The following NUP205 variants were observed in gnomAD, a reference collection of about 807,000 sequenced individuals.
The protein encoded by NUP205 is nuclear pore complex protein Nup205.
A neutral mutation model predicts 253.8 loss-of-function variants in NUP205; 76 were observed. That is an observed-to-expected ratio of 0.30 (90% CI 0.25 to 0.36). NUP205 has a LOEUF of 0.36. Among genes scored for constraint, NUP205 ranks in the 10% least tolerant of loss-of-function variants. NUP205 has a pLI of 1.00. For synonymous variants in NUP205, 832 were observed against 850.1 expected, an observed-to-expected ratio of 0.98 and a Z score of 0.37; for missense variants, 2,162 against 2,425.5, an observed-to-expected ratio of 0.89 and a Z score of 2.28.
At position 135,563,143 on chromosome 7, in the gene NUP205, A is replaced by G. The variant is rs1368869271; in HGVS notation, c.28+5171A>G. ...CTCTTGCCCTGGCTACCTCTCCTTCATATCCTTCATATCCTGACCACAGTT... is the reference window on the plus strand; with the variant it reads ...CTCTTGCCCTGGCTACCTCTCCTTCGTATCCTTCATATCCTGACCACAGTT... On this transcript the variant is annotated intron_variant, in intron 1 of 42. Transcript: ENST00000285968. Among the ~76,000 whole-genome samples the G allele has an allele frequency of 2.0e-5, 3 of 151,402 alleles. No homozygotes were observed. The East Asian group carries it at 5.8e-4, about 29-fold the overall frequency.
rs781448105 is a variant in NUP205, at chr7:135,630,476, T to C, written c.5059+6T>C. 1.8e-5 allele frequency: 29 copies of C among 1,582,470 alleles called. No individual in the cohort carries two copies. The highest frequency in any genetic ancestry group is 2.5e-5 in the Non-Finnish European group (29 of 1,168,620). ...AAGTAAAGCAGCACTTCCTGGTGAG[T>C]TGATTATGTTGAAAGGATTTTTAAT... On this transcript the variant is annotated splice_donor_region_variant and intron_variant, in intron 35 of 42. Transcript: ENST00000285968.
chr7:135,625,010 CA>C (rs34744586), intron 31 of NUP205, among the ~76,000 whole-genome samples, 153 bp from the exon 32 acceptor site: 3 of 149,600 alleles, frequency 2.0e-5, no homozygotes, highest in African/African-American at 7.4e-5. Context: ...TTTAACTTCT[CA>C]AAAAAAAATA....
rs1563110222 is a variant in NUP205 at position 135,570,811 on chromosome 7, T to TG, written c.29-294_29-293insG. On this transcript the variant is annotated intron_variant, in intron 1 of 42. Coordinates refer to ENST00000285968, the MANE Select transcript of NUP205 (RefSeq NM_015135.3). Reference sequence around the variant, plus strand: ...ATTTATATATTATATTAATATATATTAATTATATTAATATATAAATTATAT... The same window carrying TG: ...ATTTATATATTATATTAATATATATTGAATTATATTAATATATAAATTATAT... Among the ~76,000 whole-genome samples the TG allele has an allele frequency of 4.9e-4, 51 of 103,594 alleles. 1 individual carries two copies. The East Asian group carries it at 6.3e-3, about 13-fold the overall frequency. The allele number at this position is 103,594 out of a possible 152,430, so 68.0% of individuals were successfully genotyped here. A position where few individuals can be genotyped will look rare whatever the true frequency, so the allele number is the denominator to read the frequency against.
chr7:135,629,466 C>CCTCTCTCTCTCTCTCTCTCTCTCT (rs1398385118), intron 34 of NUP205, among the ~76,000 whole-genome samples: 1 of 73,196 alleles, frequency 1.4e-5, no homozygotes, highest in Non-Finnish European at 3.0e-5. Flanking sequence ...ATAGTGAGAC[C>CCTCTCTCTCTCTCTCTCTCTCTCT]CTATCTCTCT....
chr7:135,610,467 G>A (rs1302393799), intron 22 of NUP205, among the ~76,000 whole-genome samples: 3 of 152,110 alleles, frequency 2.0e-5, no homozygotes, highest in Non-Finnish European at 2.9e-5. Context: ...TGATCCACCC[G>A]CCTTGGCCTC....
chr7:135,593,307 C>G, intron 12 of NUP205, 115 bp downstream of exon 12: 1 of 919,010 alleles, frequency 1.1e-6, no homozygotes. Flanking sequence ...TCTAGATAGA[C>G]AGATATATAG....
chr7:135,617,608 C>T lies in NUP205; in HGVS notation c.3697C>T (p.His1233Tyr). Residue 1233 changes from histidine to tyrosine, a missense_variant, in exon 27 of 43, where the codon CAT (histidine) becomes TAT (tyrosine). Physicochemically the swap from His to Tyr is moderately conservative, Grantham distance 83 (BLOSUM62 2). Around this residue, in one of 5 missense-constraint regions of NUP205, gnomAD observed 1,144 missense variants for 1,280.9 expected, o/e 0.89. Coordinates refer to ENST00000285968, the MANE Select transcript of NUP205 (RefSeq NM_015135.3). The stretch of plus-strand genomic sequence containing the variant: ...TCTTTTCCTAATTATCCAGCTTCTT[C>T]ATAGGGTTCTTGTAGCTGAAGTAAA... ...GQTVCNVKLL[H>Y]RVLVAEVNAL... is the part of the protein sequence containing the mutation. The T allele has an allele frequency of 1.2e-6, 2 of 1,611,720 alleles. No homozygotes were observed. Among genetic ancestry groups the T allele is most frequent in the Non-Finnish European group, 1.7e-6 (2 of 1,178,070 alleles).
chr7:135,562,758 G>T (rs558463160), intron 1 of NUP205, among the ~76,000 whole-genome samples: 47 of 151,902 alleles, frequency 3.1e-4, no homozygotes, highest in African/African-American at 1.0e-3. Context: ...TGTTGGCCAG[G>T]ATGGTCTTGA....
chr7:135,586,232 T>G (rs1048933422), intron 8 of NUP205, among the ~76,000 whole-genome samples: 3 of 151,916 alleles, frequency 2.0e-5, no homozygotes, highest in African/African-American at 7.3e-5. Context: ...AAATTTGCCC[T>G]TAGGATTCTT....
chr7:135,639,690 CAAAA>C (rs34071969), intron 38 of NUP205, among the ~76,000 whole-genome samples: 4 of 106,664 alleles, frequency 3.8e-5, no homozygotes, highest in African/African-American at 7.7e-5. Flanking sequence ...GACTTTGTCT[CAAAA>C]AAAAAAAAAA....
At chr7:135,623,914 C>T (rs953232503) in intron 31 of NUP205, among the ~76,000 whole-genome samples, 17 of 151,848 alleles carry the variant, frequency 1.1e-4, no homozygotes, top group African/African-American at 3.9e-4. Context: ...TCCCAAGTAG[C>T]TGGAACTACA....
chr7:135,624,909 A>G (rs1794553747), intron 31 of NUP205, among the ~76,000 whole-genome samples: 1 of 152,190 alleles, frequency 6.6e-6, no homozygotes, highest in Non-Finnish European at 1.5e-5. Flanking sequence ...ATCTAATGCC[A>G]CTAGTTTAAC....
intron 30 of NUP205, among the ~76,000 whole-genome samples, chr7:135,620,622 TTTTA>T (rs1794454737): frequency 6.6e-6 from 1 of 152,244 alleles, no homozygotes; most frequent in Non-Finnish European, 1.5e-5. Flanking sequence ...GTTTCTAAAT[TTTTA>T]TTACAAAAAT....
chr7:135,645,260 G>A (rs1337694965), intron 40 of NUP205, among the ~76,000 whole-genome samples: 1 of 152,162 alleles, frequency 6.6e-6, no homozygotes, highest in East Asian at 1.9e-4. Context: ...TGAGACTGCT[G>A]GCACAGGACC....
At chr7:135,575,115 C>T (rs79833388) in intron 3 of NUP205, among the ~76,000 whole-genome samples, 65 of 152,232 alleles carry the variant, frequency 4.3e-4, no homozygotes, top group Admixed American at 9.8e-4. Context: ...AGTGTAAATA[C>T]GCTCATATTC....
At chr7:135,634,181 A>G (rs777283974) in intron 35 of NUP205, among the ~76,000 whole-genome samples, 4 of 152,086 alleles carry the variant, frequency 2.6e-5, no homozygotes, top group Non-Finnish European at 4.4e-5. Context: ...AGCAGTCCTC[A>G]CACCTCAGCC....
chr7:135,582,725 G>T (rs933668187), intron 7 of NUP205, among the ~76,000 whole-genome samples: 1 of 152,112 alleles, frequency 6.6e-6, no homozygotes, highest in African/African-American at 2.4e-5. Context: ...TTGGCTAAGT[G>T]TTGGGATTAC....
At chr7:135,594,948 T>G (rs1244047071) in intron 13 of NUP205, among the ~76,000 whole-genome samples, 3 of 152,212 alleles carry the variant, frequency 2.0e-5, no homozygotes, top group Non-Finnish European at 4.4e-5. Flanking sequence ...AGATTGGTTC[T>G]TCATGTACTG....
chr7:135,631,322 A>T (rs1279711801), intron 35 of NUP205, among the ~76,000 whole-genome samples: 1 of 152,226 alleles, frequency 6.6e-6, no homozygotes, highest in African/African-American at 2.4e-5. Flanking sequence ...AAACGAAAGG[A>T]ATTGCCAAAT....
Sources: gnomAD v4.1 joint callset for allele counts (sites outside exome capture counted in the v4.1 genomes callset) on GRCh38, gnomAD v4.1.1 for gene constraint, gnomAD v4.1.1 regional missense constraint, MANE v1.5 for transcripts, NCBI Gene and HGNC (gene_info 2026-07-23, HGNC 2026-07-21) for gene names.